The following CDHR1 variants were observed in gnomAD, a reference collection of about 807,000 sequenced individuals.
The protein encoded by CDHR1 is cadherin related family member 1, also known as cadherin-related family member 1.
Under a neutral mutation model 72.1 loss-of-function variants are expected in CDHR1, and 61 were observed. The observed-to-expected ratio is 0.85, with a 90% CI of 0.69 to 1.05. CDHR1 has a LOEUF of 1.05. CDHR1 is among the 50% of genes least tolerant of loss of function. CDHR1 has a pLI of 0.00. For missense variants in CDHR1, 1,186 were observed against 1,115.7 expected, an observed-to-expected ratio of 1.06 and a Z score of -0.90; for synonymous variants, 470 against 448.1, an observed-to-expected ratio of 1.05 and a Z score of -0.62.
At chr10:84,219,233 A>C (rs777886184), downstream of CDHR1, 2 of 1,550,814 alleles carry the variant, frequency 1.3e-6, no homozygotes, top group Non-Finnish European at 1.7e-6. Flanking sequence ...AGTAATGTGA[A>C]TCTGTACTCT....
intron 9 of CDHR1, 79 bp downstream of exon 9, chr10:84,204,684 C>T: frequency 1.1e-6 from 1 of 924,176 alleles, no homozygotes; most frequent in South Asian, 1.3e-5. Context: ...TCTCTAGATT[C>T]CAGCTCCCTC....
At chr10:84,202,873 A>G in intron 7 of CDHR1, 107 bp from the exon 8 acceptor site, 1 of 1,213,188 alleles carries the variant, frequency 8.2e-7, no homozygotes, top group Non-Finnish European at 1.2e-6. Flanking sequence ...TGGAGAGGAC[A>G]GCTGGCCTCA....
Position 84,194,637 on chromosome 10 carries a change from C to T in CDHR1, c.-124C>T. 1 of 695,816 alleles carries T rather than the reference C, an allele frequency of 1.4e-6. No homozygotes were observed. The highest frequency in any genetic ancestry group is 4.3e-5 in the Admixed American group (1 of 23,090). 43.1% of individuals were successfully genotyped at this position (695,816 alleles called of 1,614,324 possible). On this transcript the variant is annotated 5_prime_UTR_variant, in exon 1 of 17. Coordinates refer to ENST00000623527, the MANE Select transcript of CDHR1 (RefSeq NM_033100.4). ...GCCGCTCCCGCCCCGTGCCCCCTCC[C>T]GCCGCGGCTGCAGTCGCCGCTACCC...
intron 3 of CDHR1, 74 bp from the exon 4 acceptor site, chr10:84,197,712 G>A (rs1284989903): frequency 1.9e-5 from 26 of 1,376,366 alleles, no homozygotes; most frequent in Non-Finnish European, 2.7e-5. Flanking sequence ...GGGGCAGGGA[G>A]AGCTCCATCC....
Position 84,216,919 on chromosome 10 carries a change from C to A in CDHR1, c.*2298C>A. On this transcript the variant is annotated 3_prime_UTR_variant, in exon 17 of 17. Coordinates refer to ENST00000623527, the MANE Select transcript of CDHR1 (RefSeq NM_033100.4). ...GAAGCACTGTCGTCTCTCAGACAGGCGTCCTAAAGACCTCTAGGCTGGAAG... is the reference window on the plus strand; with the variant it reads ...GAAGCACTGTCGTCTCTCAGACAGGAGTCCTAAAGACCTCTAGGCTGGAAG... 2.0e-6 allele frequency: 2 copies of A among 985,500 alleles called. No homozygotes were observed. Among genetic ancestry groups the A allele is most frequent in the Non-Finnish European group, 2.4e-6 (2 of 829,980 alleles). 61.0% of individuals were successfully genotyped at this position (985,500 alleles called of 1,614,324 possible).
chr10:84,200,807 G>A (rs764709838), intron 6 of CDHR1, 120 bp downstream of exon 6: 70 of 729,018 alleles, frequency 9.6e-5, no homozygotes, highest in Admixed American at 1.4e-4. Flanking sequence ...AGAAGTACAT[G>A]AAGGGTTGGG....
At position 84,218,202 on chromosome 10, in the gene CDHR1, C is replaced by T. The variant is rs908014594; in HGVS notation, c.*3581C>T. ...GACTGGCATGTGCCACATGGAGGAC[C>T]CCTTAGGAAACTCACAAACAACCTA... On this transcript the variant is annotated 3_prime_UTR_variant, in exon 17 of 17. Transcript: ENST00000623527. The T allele has an allele frequency of 2.0e-6, 2 of 985,264 alleles. No homozygotes were observed. The highest frequency in any genetic ancestry group is 3.5e-5 in the African/African-American group (2 of 57,222). 61.0% of individuals were successfully genotyped at this position (985,264 alleles called of 1,614,324 possible). A position where few individuals can be genotyped will look rare whatever the true frequency, so the allele number is the denominator to read the frequency against.
In CDHR1 at chr10:84,215,017, C is replaced by A; in HGVS notation, c.*396C>A. 8.8e-7 allele frequency: 1 copy of A among 1,133,962 alleles called. No individual in the cohort carries two copies. The highest frequency in any genetic ancestry group is 1.1e-6 in the Non-Finnish European group (1 of 917,866). The allele number at this position is 1,133,962 out of a possible 1,614,324, so 70.2% of individuals were successfully genotyped here. ...CCTTAGTCAAGCAGCAGGGCCCTGG[C>A]CACGTGGAGCAACACTGACTAGAAT... On this transcript the variant is annotated 3_prime_UTR_variant, in exon 17 of 17. Transcript: ENST00000623527.
At chr10:84,219,457 C>A, downstream of CDHR1, 1 of 1,020,816 alleles carries the variant, frequency 9.8e-7, no homozygotes, top group Non-Finnish European at 1.3e-6. Context: ...TGTGCACCAC[C>A]AAGCTTCTTT....
Position 84,218,180 on chromosome 10 carries a change from T to C in CDHR1, c.*3559T>C. On this transcript the variant is annotated 3_prime_UTR_variant, in exon 17 of 17. Coordinates refer to ENST00000623527, the MANE Select transcript of CDHR1 (RefSeq NM_033100.4). ...CCACATGAGGAATGAGGCAGGAGACTGGCATGTGCCACATGGAGGACCCCT... is the reference window on the plus strand; with the variant it reads ...CCACATGAGGAATGAGGCAGGAGACCGGCATGTGCCACATGGAGGACCCCT... 1 of 985,450 alleles carries C rather than the reference T, an allele frequency of 1.0e-6. No homozygotes were observed. Among genetic ancestry groups the C allele is most frequent in the Non-Finnish European group, 1.2e-6 (1 of 829,942 alleles). The allele number at this position is 985,450 out of a possible 1,614,324, so 61.0% of individuals were successfully genotyped here. A position where few individuals can be genotyped will look rare whatever the true frequency, so the allele number is the denominator to read the frequency against.
chr10:84,217,530 A>T lies in CDHR1; in HGVS notation c.*2909A>T. The T allele has an allele frequency of 1.0e-6, 1 of 979,598 alleles. No individual in the cohort carries two copies. 60.7% of individuals were successfully genotyped at this position (979,598 alleles called of 1,614,324 possible). On this transcript the variant is annotated 3_prime_UTR_variant, in exon 17 of 17. Coordinates refer to ENST00000623527, the MANE Select transcript of CDHR1 (RefSeq NM_033100.4). ...AGTCTCTCTGGGCCTCACTTTCCTC[A>T]TTAACACAGGGTGCAAAGTATGGTT...
intron 3 of CDHR1, 88 bp from the exon 4 acceptor site, chr10:84,197,698 G>A: frequency 8.3e-7 from 1 of 1,209,218 alleles, no homozygotes; most frequent in Non-Finnish European, 1.2e-6. Context: ...TCTGATGGGT[G>A]CGTGGGGCAG....
downstream of CDHR1, chr10:84,218,992 C>T (rs756885144): frequency 7.1e-6 from 4 of 566,036 alleles, no homozygotes; most frequent in Non-Finnish European, 1.2e-5. Flanking sequence ...CGTATAATTA[C>T]CAGAATAACC....
chr10:84,215,366 G>C lies in CDHR1; in HGVS notation c.*745G>C, dbSNP rs1408478972. 1 of 985,672 alleles carries C rather than the reference G, an allele frequency of 1.0e-6. No homozygotes were observed. The highest frequency in any genetic ancestry group is 1.2e-6 in the Non-Finnish European group (1 of 830,226). 61.1% of individuals were successfully genotyped at this position (985,672 alleles called of 1,614,324 possible). On this transcript the variant is annotated 3_prime_UTR_variant, in exon 17 of 17. Coordinates refer to ENST00000623527, the MANE Select transcript of CDHR1 (RefSeq NM_033100.4). ...TGAGCCGCAAAATGTCAAAGCTGGA[G>C]CTATAGAGGTAGCCCTAAAGGCAAC...
chr10:84,218,387 A>T lies in CDHR1; in HGVS notation c.*3766A>T. The T allele has an allele frequency of 1.0e-6, 1 of 985,378 alleles. No individual in the cohort carries two copies. 61.0% of individuals were successfully genotyped at this position (985,378 alleles called of 1,614,324 possible). A position where few individuals can be genotyped will look rare whatever the true frequency, so the allele number is the denominator to read the frequency against. On this transcript the variant is annotated 3_prime_UTR_variant, in exon 17 of 17. Transcript: ENST00000623527. ...ATGTACCCCTTTTGAGGCCTGAATG[A>T]GGTTCGGTTATTTATTCATTTCTCA...
chr10:84,194,808 C>G lies in CDHR1; in HGVS notation c.48C>G (p.Leu16=), dbSNP rs755617752. The change falls in exon 1 of 17, where the codon CTC becomes CTG. Residue 16 remains leucine (L), a synonymous_variant. Coordinates refer to ENST00000623527, the MANE Select transcript of CDHR1 (RefSeq NM_033100.4). ...CCCTGGCCCTGGGGCTGCTGCGCCTCTGCTTGGGTGAGTGGCCGCTGGGCC... is the reference window on the plus strand; with the variant it reads ...CCCTGGCCCTGGGGCTGCTGCGCCTGTGCTTGGGTGAGTGGCCGCTGGGCC... ...WAALALGLLR[L]CLAQANFAPH... 6.5e-7 allele frequency: 1 copy of G among 1,532,888 alleles called. No individual in the cohort carries two copies. Among genetic ancestry groups the G allele is most frequent in the South Asian group, 1.2e-5 (1 of 83,918 alleles). The allele number at this position is 1,532,888 out of a possible 1,614,324, so 95.0% of individuals were successfully genotyped here. A position where few individuals can be genotyped will look rare whatever the true frequency, so the allele number is the denominator to read the frequency against.
At position 84,208,882 on chromosome 10, in the gene CDHR1, G is replaced by GT. The variant is rs1241806138; in HGVS notation, c.1320+2dup. 1 of 1,613,562 alleles carries GT rather than the reference G, an allele frequency of 6.2e-7. No homozygotes were observed. Among genetic ancestry groups the GT allele is most frequent in the South Asian group, 1.1e-5 (1 of 90,956 alleles). On this transcript the variant is annotated splice_donor_variant, in intron 12 of 16. Coordinates refer to ENST00000623527, the MANE Select transcript of CDHR1 (RefSeq NM_033100.4). LOFTEE classifies it high-confidence loss of function. ...AAAGTCCAAAGTATTAACCTTCAAG[G>GT]TAGGTGGTGCCCTGAATTCACTGCC...
intron 8 of CDHR1, among the ~76,000 whole-genome samples, chr10:84,203,940 A>G (rs1268740199): frequency 2.0e-5 from 3 of 152,012 alleles, no homozygotes; most frequent in Admixed American, 6.6e-5. Flanking sequence ...GGCTGGGTTA[A>G]GAAGTAGCCT....
chr10:84,208,500 G>T lies in CDHR1; in HGVS notation c.1167+123G>T. The T allele has an allele frequency of 3.5e-6, 4 of 1,153,134 alleles. No homozygotes were observed. The East Asian group carries it at 1.0e-4, about 29-fold the overall frequency. The allele number at this position is 1,153,134 out of a possible 1,614,324, so 71.4% of individuals were successfully genotyped here. On this transcript the variant is annotated intron_variant, in intron 11 of 16. Coordinates refer to ENST00000623527, the MANE Select transcript of CDHR1 (RefSeq NM_033100.4). ...GCCGGGACCAGGTGGGCCACAAAAT[G>T]AATGAAACAAGAAGTTGTAACCAAG...
Sources: gnomAD v4.1 joint callset for allele counts (sites outside exome capture counted in the v4.1 genomes callset) on GRCh38, gnomAD v4.1.1 for gene constraint, MANE v1.5 for transcripts, NCBI Gene and HGNC (gene_info 2026-07-23, HGNC 2026-07-21) for gene names.